The following BMP6 variants were observed in gnomAD, a reference collection of about 807,000 sequenced individuals.
BMP6 encodes VG-1-R.
A neutral mutation model predicts 54.1 loss-of-function variants in BMP6; 17 were observed. That is an observed-to-expected ratio of 0.31 (90% CI 0.22 to 0.47). The LOEUF is 0.47. BMP6 is among the 20% of genes least tolerant of loss of function. The pLI is 1.00. For missense variants in BMP6, 720 were observed against 690.4 expected (o/e 1.04, Z -0.48); for synonymous variants, 328 against 291.2 (o/e 1.13, Z -1.28).
chr6:7,864,027 AG>A (rs1759379015), intron 4 of BMP6, among the ~76,000 whole-genome samples: 2 of 144,572 alleles, frequency 1.4e-5, no homozygotes, highest in African/African-American at 2.6e-5. Flanking sequence ...AAAAAAAAAA[AG>A]TTCTCCCCAG....
intron 1 of BMP6, among the ~76,000 whole-genome samples, chr6:7,828,148 A>G (rs1758730440): frequency 6.6e-6 from 1 of 152,150 alleles, no homozygotes; most frequent in Non-Finnish European, 1.5e-5. Flanking sequence ...GTCATTTAGG[A>G]AGCATTGCCT....
chr6:7,858,282 G>T (rs576343020), intron 2 of BMP6, among the ~76,000 whole-genome samples: 10 of 151,822 alleles, frequency 6.6e-5, no homozygotes, highest in African/African-American at 2.4e-4. Flanking sequence ...GTAGGGTTTC[G>T]CCATGTTTCC....
intron 4 of BMP6, among the ~76,000 whole-genome samples, chr6:7,874,640 C>T (rs544370252): frequency 4.0e-4 from 61 of 152,012 alleles, no homozygotes; most frequent in African/African-American, 1.0e-3. Context: ...CCCAGCTACT[C>T]GGAAGGCTGA....
chr6:7,850,711 A>G (rs996845146), intron 2 of BMP6, among the ~76,000 whole-genome samples: 3 of 152,226 alleles, frequency 2.0e-5, no homozygotes, highest in African/African-American at 4.8e-5. Context: ...CGTTTGAGTC[A>G]TGGTATGAGT....
At chr6:7,742,969 C>T (rs934072234) in intron 1 of BMP6, among the ~76,000 whole-genome samples, 1 of 152,116 alleles carries the variant, frequency 6.6e-6, no homozygotes, top group Non-Finnish European at 1.5e-5. Flanking sequence ...GAGATATAAA[C>T]ACTTTCATTT....
Position 7,758,747 on chromosome 6 carries a change from C to T in BMP6, c.664+31128C>T, listed in dbSNP as rs193302691. Among the ~76,000 whole-genome samples, 17 of 152,314 alleles carry T rather than the reference C, an allele frequency of 1.1e-4. No homozygotes were observed. The East Asian group carries it at 3.1e-3, about 28-fold the overall frequency. ...GTCCGGCTGTGCCTCGCAATTCTGG[C>T]ATCCAGTCTTTTCTCTGACCCAACC... is the stretch of plus-strand genomic sequence containing the variant. On this transcript the variant is annotated intron_variant, in intron 1 of 6. Coordinates refer to ENST00000283147, the MANE Select transcript of BMP6 (RefSeq NM_001718.6).
intron 1 of BMP6, among the ~76,000 whole-genome samples, chr6:7,765,439 A>G (rs1273363610): frequency 1.3e-5 from 2 of 152,230 alleles, no homozygotes; most frequent in Non-Finnish European, 2.9e-5. Context: ...AGCTAGGTCA[A>G]TCCTTGCTTG....
At chr6:7,872,376 A>G (rs951749421) in intron 4 of BMP6, among the ~76,000 whole-genome samples, 10 of 152,260 alleles carry the variant, frequency 6.6e-5, no homozygotes, top group East Asian at 3.9e-4. Context: ...AAGTATTCCA[A>G]GGAGCATCAA....
intron 1 of BMP6, among the ~76,000 whole-genome samples, chr6:7,842,237 A>G (rs1758984028): frequency 6.6e-6 from 1 of 152,160 alleles, no homozygotes; most frequent in Non-Finnish European, 1.5e-5. Flanking sequence ...TGGTTCTTTC[A>G]AGGCCTCTTG....
rs270388 is a variant in BMP6 at position 7,772,107 on chromosome 6, T to C, written c.664+44488T>C. Among the ~76,000 whole-genome samples, 555 of 151,358 alleles carry C rather than the reference T, an allele frequency of 3.7e-3. 1 individual carries two copies. Among genetic ancestry groups the C allele is most frequent in the African/African-American group, 0.013 (539 of 41,218 alleles). ...CAAACCCAAAAAAACCCTTTTAGCTTTCATGCTTCAACCTCTTAGGGTCAT... is the reference window on the plus strand; with the variant it reads ...CAAACCCAAAAAAACCCTTTTAGCTCTCATGCTTCAACCTCTTAGGGTCAT... On this transcript the variant is annotated intron_variant, in intron 1 of 6. Coordinates refer to ENST00000283147, the MANE Select transcript of BMP6 (RefSeq NM_001718.6).
intron 1 of BMP6, among the ~76,000 whole-genome samples, chr6:7,843,707 A>G (rs1190439893): frequency 6.6e-6 from 1 of 152,158 alleles, no homozygotes; most frequent in Non-Finnish European, 1.5e-5. Flanking sequence ...TATGGTGGGA[A>G]ACAGAGCACT....
chr6:7,877,514 T>C lies in BMP6; in HGVS notation c.1205-1560T>C, dbSNP rs188404929. Among the ~76,000 whole-genome samples the C allele has an allele frequency of 8.5e-5, 13 of 152,100 alleles. No individual in the cohort carries two copies. In the East Asian group the frequency reaches 2.5e-3, roughly 29 times the overall value. The stretch of plus-strand genomic sequence containing the variant: ...GGCTCGCGCCTGTAGTCCCAGCTAC[T>C]CGGGAGACTGAGGCAGGAGAATCGC... On this transcript the variant is annotated intron_variant, in intron 4 of 6. Coordinates refer to ENST00000283147, the MANE Select transcript of BMP6 (RefSeq NM_001718.6).
At chr6:7,818,830 A>G (rs1228165069) in intron 1 of BMP6, among the ~76,000 whole-genome samples, 3 of 152,236 alleles carry the variant, frequency 2.0e-5, no homozygotes, top group Admixed American at 6.5e-5. Context: ...ACACGTTGAT[A>G]CTATCAAGAG....
rs543050598 is a variant in BMP6, at chr6:7,864,699, G to A, written c.1204+2201G>A. On this transcript the variant is annotated intron_variant, in intron 4 of 6. Transcript: ENST00000283147. Reference sequence around the variant, plus strand: ...GGAGCTTGAGGATCCACCGCCCAGCGTGATGTGACATTTTGCTTCTTGTCA... The same window carrying A: ...GGAGCTTGAGGATCCACCGCCCAGCATGATGTGACATTTTGCTTCTTGTCA... Among the ~76,000 whole-genome samples, 9 of 152,280 alleles carry A rather than the reference G, an allele frequency of 5.9e-5. No individual in the cohort carries two copies. In the South Asian group the frequency reaches 1.5e-3, roughly 25 times the overall value.
intron 1 of BMP6, among the ~76,000 whole-genome samples, chr6:7,773,190 C>T (rs995243407): frequency 2.6e-5 from 4 of 152,188 alleles, no homozygotes; most frequent in Non-Finnish European, 1.5e-5. Context: ...TACCTGCTCC[C>T]AAATGGTGCA....
intron 1 of BMP6, among the ~76,000 whole-genome samples, chr6:7,824,073 T>TGG (rs1398552416): frequency 6.6e-6 from 1 of 152,144 alleles, no homozygotes. Context: ...CAGATGGTGA[T>TGG]GGTTTAGTCC....
chr6:7,776,382 A>G (rs2113162013), intron 1 of BMP6, among the ~76,000 whole-genome samples: 1 of 152,376 alleles, frequency 6.6e-6, no homozygotes, highest in South Asian at 2.1e-4. Context: ...CAACAGTAAC[A>G]TGAAGCAAAG....
intron 1 of BMP6, among the ~76,000 whole-genome samples, chr6:7,814,707 T>C (rs1278714600): frequency 6.6e-6 from 1 of 152,168 alleles, no homozygotes; most frequent in Non-Finnish European, 1.5e-5. Context: ...ATTAAGTATG[T>C]AGCTTGATCT....
chr6:7,809,274 T>C (rs967413215), intron 1 of BMP6, among the ~76,000 whole-genome samples: 1 of 152,220 alleles, frequency 6.6e-6, no homozygotes, highest in African/African-American at 2.4e-5. Context: ...AGATATCATG[T>C]GTTTCCTGAG....
Sources: allele counts gnomAD v4.1 joint callset (sites outside exome capture counted in the v4.1 genomes callset), GRCh38; gene constraint gnomAD v4.1.1; transcripts MANE v1.5; gene names NCBI Gene and HGNC (gene_info 2026-07-23, HGNC 2026-07-21).